Variants in DOT1L observed in about 807,000 individuals in gnomAD.
DOT1L encodes the protein DOT1 like histone lysine methyltransferase, also known as histone-lysine N-methyltransferase, H3 lysine-79 specific.
In DOT1L, 33 loss-of-function variants were observed where a neutral mutation model predicts 153.3. The ratio of observed to expected loss-of-function variants is 0.22; its 90% CI spans 0.16 to 0.29. The LOEUF is 0.29. Among genes scored for constraint, DOT1L ranks in the 10% least tolerant of loss-of-function variants. DOT1L has a pLI of 1.00. For missense variants in DOT1L, 1,847 were observed against 2,119.9 expected (o/e 0.87, Z 2.53); for synonymous variants, 1,135 against 965.1 (o/e 1.18, Z -3.26).
intron 1 of DOT1L, among the ~76,000 whole-genome samples, chr19:2,169,528 C>G (rs546652954): frequency 1.3e-5 from 2 of 152,230 alleles, no homozygotes; most frequent in East Asian, 3.9e-4. Context: ...CGGACTCGCT[C>G]TGTCTCCCAG....
chr19:2,200,017 G>C, intron 8 of DOT1L, 78 bp downstream of exon 8: 2 of 1,562,274 alleles, frequency 1.3e-6, no homozygotes, highest in African/African-American at 2.7e-5. Flanking sequence ...CCGGGGACCG[G>C]GAGCGGCCCC....
chr19:2,209,084 C>A, intron 12 of DOT1L, 108 bp downstream of exon 12: 1 of 1,302,234 alleles, frequency 7.7e-7, no homozygotes, highest in South Asian at 1.4e-5. Flanking sequence ...GAGCACAGCC[C>A]TGCCGCCCCT....
Position 2,192,672 on chromosome 19 carries a change from CAAAAAAAAAAA to C in DOT1L, c.494-1007_494-997del, listed in dbSNP as rs71176526. Among the ~76,000 whole-genome samples, 12 of 95,106 alleles carry C rather than the reference CAAAAAAAAAAA, an allele frequency of 1.3e-4. No homozygotes were observed. In the South Asian group the frequency reaches 3.6e-3, roughly 29 times the overall value. 62.4% of individuals were successfully genotyped at this position (95,106 alleles called of 152,430 possible). ...TGGGTGACAGAGTGAGACTCCGTCT[CAAAAAAAAAAA>C]AAAAAAAAATGGGGCATATCTGGCT... On this transcript the variant is annotated intron_variant, in intron 5 of 27. Transcript: ENST00000398665.
At chr19:2,173,106 G>A (rs991414920) in intron 1 of DOT1L, among the ~76,000 whole-genome samples, 1 of 152,150 alleles carries the variant, frequency 6.6e-6, no homozygotes, top group East Asian at 1.9e-4. Context: ...AAACGCTGCC[G>A]CCTCAGCAGT....
chr19:2,228,262 G>A (rs769222531), intron 27 of DOT1L: 2 of 1,360,304 alleles, frequency 1.5e-6, no homozygotes, highest in East Asian at 4.6e-5. Context: ...CCACAGGCCA[G>A]CGCCACGGGG....
intron 7 of DOT1L, among the ~76,000 whole-genome samples, chr19:2,196,702 G>A (rs1273463766): frequency 1.3e-5 from 2 of 152,146 alleles, no homozygotes; most frequent in East Asian, 1.9e-4. Flanking sequence ...TTAGCAGTCC[G>A]TGTGCCTTTC....
At chr19:2,166,431 G>C (rs979969845) in intron 1 of DOT1L, among the ~76,000 whole-genome samples, 4 of 149,696 alleles carry the variant, frequency 2.7e-5, no homozygotes, top group African/African-American at 7.4e-5. Flanking sequence ...TATTTTTTGA[G>C]AGGAAGTGTT....
chr19:2,232,318 T>G lies in DOT1L; in HGVS notation c.*2526T>G. On this transcript the variant is annotated 3_prime_UTR_variant, in exon 28 of 28. Transcript: ENST00000398665. ...CTGCCCCCAGGATGCGTCAGTCTGTTCAGTGGTCAGCAGGCCCCCCACCCC... is the reference window on the plus strand; with the variant it reads ...CTGCCCCCAGGATGCGTCAGTCTGTGCAGTGGTCAGCAGGCCCCCCACCCC... 4.6e-6 allele frequency: 1 copy of G among 216,090 alleles called. No homozygotes were observed. Among genetic ancestry groups the G allele is most frequent in the East Asian group, 6.8e-5 (1 of 14,736 alleles). 13.4% of individuals were successfully genotyped at this position (216,090 alleles called of 1,614,324 possible).
intron 22 of DOT1L, among the ~76,000 whole-genome samples, chr19:2,219,019 G>C (rs533744991): frequency 6.6e-6 from 1 of 152,334 alleles, no homozygotes; most frequent in Admixed American, 6.5e-5. Context: ...TTACAGGCAT[G>C]CACCACTATG....
chr19:2,179,936 C>T (rs531342859), intron 1 of DOT1L, among the ~76,000 whole-genome samples: 9 of 152,104 alleles, frequency 5.9e-5, no homozygotes, highest in South Asian at 2.1e-4. Context: ...CGAAAGTGCA[C>T]GTGTCCTGGT....
Position 2,217,510 on chromosome 19 carries a change from G to A in DOT1L, c.2545-262G>A, listed in dbSNP as rs562387788. ...GCCCTGGGAGGCTTGGTGGCCCCACGGGTGACTGCCCACCGAGCCGGGCGG... is the reference window on the plus strand; with the variant it reads ...GCCCTGGGAGGCTTGGTGGCCCCACAGGTGACTGCCCACCGAGCCGGGCGG... On this transcript the variant is annotated intron_variant, in intron 21 of 27. Transcript: ENST00000398665. This position sits in a 1 kb window ranked among gnomAD's most constrained non-coding sequence, Gnocchi z 7.3. Among the ~76,000 whole-genome samples, 19 of 152,228 alleles carry A rather than the reference G, an allele frequency of 1.2e-4. No individual in the cohort carries two copies. The highest frequency in any genetic ancestry group is 8.5e-4 in the Admixed American group (13 of 15,294).
In DOT1L at chr19:2,216,981, T is replaced by C. The variant is rs201005251; in HGVS notation, c.2435T>C (p.Leu812Pro). The change falls in exon 21 of 28, where the codon CTT becomes CCT. Residue 812 changes from leucine to proline, a missense_variant. Coordinates refer to ENST00000398665, the MANE Select transcript of DOT1L (RefSeq NM_032482.3). ...SRAEHTKENG[L>P]PYQSPSVPGS... ...GCTGAGCACACCAAGGAGAACGGCC[T>C]TCCCTACCAGAGCCCCAGCGTGCCT... 6.2e-7 allele frequency: 1 copy of C among 1,612,918 alleles called. No homozygotes were observed. Among genetic ancestry groups the C allele is most frequent in the East Asian group, 2.2e-5 (1 of 44,870 alleles).
In DOT1L at chr19:2,208,262, C is replaced by T. The variant is rs1175834965; in HGVS notation, c.963+582C>T. Among the ~76,000 whole-genome samples the T allele has an allele frequency of 6.6e-6, 1 of 152,166 alleles. No homozygotes were observed. The highest frequency in any genetic ancestry group is 1.5e-5 in the Non-Finnish European group (1 of 68,012). Reference sequence around the variant, plus strand: ...GCCCTCCAGGGCTGGGAGGCTTCCCCTGGTCTCTTTCCCGTCCTTTGGTTG... The same window carrying T: ...GCCCTCCAGGGCTGGGAGGCTTCCCTTGGTCTCTTTCCCGTCCTTTGGTTG... On this transcript the variant is annotated intron_variant, in intron 11 of 27. Coordinates refer to ENST00000398665, the MANE Select transcript of DOT1L (RefSeq NM_032482.3). This position sits in a 1 kb window ranked among gnomAD's most constrained non-coding sequence, Gnocchi z 4.4.
chr19:2,172,150 C>A (rs1367895608), intron 1 of DOT1L, among the ~76,000 whole-genome samples: 3 of 152,070 alleles, frequency 2.0e-5, no homozygotes, highest in Non-Finnish European at 4.4e-5. Context: ...CATGCAGCTC[C>A]CACTCCTCGG....
chr19:2,193,607 G>A lies in DOT1L; in HGVS notation c.494-82G>A. ...TGGGTCTTCATGGCCGCATTCTTGT[G>A]GCCTCTGTCTCCGAGCCTAGCACGG... is the stretch of plus-strand genomic sequence containing the variant. On this transcript the variant is annotated intron_variant, in intron 5 of 27. Coordinates refer to ENST00000398665, the MANE Select transcript of DOT1L (RefSeq NM_032482.3). This position sits in a 1 kb window ranked among gnomAD's most constrained non-coding sequence, Gnocchi z 5.9. 5 of 1,356,832 alleles carry A rather than the reference G, an allele frequency of 3.7e-6. No individual in the cohort carries two copies. The South Asian group carries it at 4.9e-5, about 13-fold the overall frequency. The allele number at this position is 1,356,832 out of a possible 1,614,324, so 84.0% of individuals were successfully genotyped here.
intron 9 of DOT1L, among the ~76,000 whole-genome samples, chr19:2,205,861 T>G (rs1033768104): frequency 6.6e-6 from 1 of 151,164 alleles, no homozygotes; most frequent in African/African-American, 2.4e-5. Flanking sequence ...GCCCAGCTAA[T>G]TTTTTATTTT....
At position 2,226,848 on chromosome 19, in the gene DOT1L, G is replaced by A. The variant is rs113842228; in HGVS notation, c.4327G>A (p.Gly1443Ser). ...VPPGSLLSGP[G>S]LAPAASSAGG... ...TCCCGGAAGCCTCCTCAGCGGCCCC[G>A]GCCTGGCCCCGGCGGCGTCCTCCGC... Residue 1443 changes from glycine (G) to serine (S), a missense_variant, in exon 27 of 28, where the codon GGC (glycine) becomes AGC (serine). This residue lies in a region of DOT1L where 934 missense variants were observed against 825.3 expected (regional missense o/e 1.13). Coordinates refer to ENST00000398665, the MANE Select transcript of DOT1L (RefSeq NM_032482.3). 8 of 1,579,920 alleles carry A rather than the reference G, an allele frequency of 5.1e-6. No homozygotes were observed. The highest frequency in any genetic ancestry group is 3.5e-5 in the Admixed American group (2 of 56,362).
chr19:2,223,209 G>A, intron 24 of DOT1L, 72 bp from the exon 25 acceptor site: 1 of 1,544,684 alleles, frequency 6.5e-7, no homozygotes, highest in Non-Finnish European at 8.9e-7. Context: ...AGCCTCCTGG[G>A]GCGGGGGGGC....
chr19:2,205,403 G>A (rs1007709070), intron 9 of DOT1L, among the ~76,000 whole-genome samples: 6 of 152,182 alleles, frequency 3.9e-5, no homozygotes, highest in African/African-American at 1.4e-4. Context: ...ATAGTGGCTG[G>A]TGATAGTGAG....
Sources: gnomAD v4.1 joint callset for allele counts (sites outside exome capture counted in the v4.1 genomes callset) on GRCh38, gnomAD v4.1.1 for gene constraint, gnomAD v4.1.1 regional missense constraint, Gnocchi (gnomAD v3.1) non-coding constraint, MANE v1.5 for transcripts, NCBI Gene and HGNC (gene_info 2026-07-23, HGNC 2026-07-21) for gene names.